The following FCHO2 variants were observed in gnomAD, a reference collection of about 807,000 sequenced individuals.
FCHO2 encodes FCH and mu domain containing endocytic adaptor 2.
A neutral mutation model predicts 114.1 loss-of-function variants in FCHO2; 43 were observed. That is an observed-to-expected ratio of 0.38 (90% CI 0.30 to 0.49). FCHO2 has a LOEUF of 0.49. Ranked by LOEUF, FCHO2 falls within the 20% of genes least tolerant of loss-of-function variation. The pLI is 0.97. For synonymous variants in FCHO2, 293 were observed against 315.2 expected (o/e 0.93, Z 0.75); for missense variants, 807 against 950.4 (o/e 0.85, Z 1.98).
At chr5:73,073,834 A>C (rs1408480509) in intron 19 of FCHO2, among the ~76,000 whole-genome samples, 2 of 152,160 alleles carry the variant, frequency 1.3e-5, no homozygotes, top group African/African-American at 4.8e-5. Flanking sequence ...TTCAGAGATA[A>C]GTGTTGACCT....
intron 1 of FCHO2, among the ~76,000 whole-genome samples, chr5:72,956,956 T>C (rs1751580756): frequency 6.6e-6 from 1 of 152,150 alleles, no homozygotes; most frequent in Non-Finnish European, 1.5e-5. Flanking sequence ...ACGTGTTTAC[T>C]CAGGTATCTT....
chr5:73,075,392 C>G (rs533604993), intron 20 of FCHO2, among the ~76,000 whole-genome samples: 11 of 151,884 alleles, frequency 7.2e-5, no homozygotes, highest in Non-Finnish European at 1.6e-4. Flanking sequence ...TGTAAGATAC[C>G]AAGGTAAAAG....
intron 8 of FCHO2, among the ~76,000 whole-genome samples, chr5:73,020,482 G>C (rs1755559228): frequency 6.6e-6 from 1 of 152,176 alleles, no homozygotes; most frequent in Non-Finnish European, 1.5e-5. Flanking sequence ...ACTGGATACT[G>C]AACAGAAATA....
intron 11 of FCHO2, 72 bp from the exon 12 acceptor site, chr5:73,051,277 G>T: frequency 1.9e-6 from 2 of 1,036,828 alleles, no homozygotes; most frequent in South Asian, 3.0e-5. Flanking sequence ...AATACCTGAG[G>T]CTACTTTGAT....
At chr5:73,048,194 A>AT (rs1332474391) in intron 11 of FCHO2, among the ~76,000 whole-genome samples, 12 of 152,188 alleles carry the variant, frequency 7.9e-5, no homozygotes, top group African/African-American at 2.9e-4. Context: ...TCATGCCTGT[A>AT]ATCCCAACAC....
chr5:73,003,236 A>G (rs1754538912), intron 5 of FCHO2, among the ~76,000 whole-genome samples: 1 of 151,648 alleles, frequency 6.6e-6, no homozygotes, highest in Admixed American at 6.6e-5. Flanking sequence ...CAGGTCTCGA[A>G]CTCCTGGGCT....
intron 11 of FCHO2, among the ~76,000 whole-genome samples, chr5:73,043,383 T>C (rs1210475850): frequency 3.3e-5 from 5 of 151,682 alleles, no homozygotes; most frequent in South Asian, 2.1e-4. Flanking sequence ...GTTACAGTTA[T>C]AGTAACAAAA....
chr5:72,999,453 G>C (rs1024653804), intron 5 of FCHO2, among the ~76,000 whole-genome samples: 2 of 144,836 alleles, frequency 1.4e-5, no homozygotes, highest in Non-Finnish European at 3.0e-5. Flanking sequence ...CACGATCTTG[G>C]CTCACTGCAA....
intron 16 of FCHO2, among the ~76,000 whole-genome samples, chr5:73,057,135 A>G (rs547584982): frequency 4.0e-5 from 6 of 150,332 alleles, no homozygotes; most frequent in East Asian, 2.0e-4. Context: ...GGGTCTTGCT[A>G]TATTTCCCAG....
intron 18 of FCHO2, among the ~76,000 whole-genome samples, chr5:73,067,238 A>C (rs1475901932): frequency 6.6e-6 from 1 of 152,092 alleles, no homozygotes; most frequent in East Asian, 1.9e-4. Flanking sequence ...TTAAAAAGGC[A>C]GTCACATTAT....
chr5:73,033,025 C>G (rs918318188), intron 8 of FCHO2, among the ~76,000 whole-genome samples: 2 of 152,096 alleles, frequency 1.3e-5, no homozygotes, highest in African/African-American at 4.8e-5. Flanking sequence ...ATTTTTCAGC[C>G]TGCCTTCATC....
In FCHO2 at chr5:73,037,706, A is replaced by G. The variant is rs4703591; in HGVS notation, c.914+491A>G. ...GCCCTAACATTTTACCATTTATACT[A>G]GGTCATCATTTTTAGATGGAATATT... On this transcript the variant is annotated intron_variant, in intron 10 of 25. Coordinates refer to ENST00000430046, the MANE Select transcript of FCHO2 (RefSeq NM_138782.3). 4,642 of 368,612 alleles carry G rather than the reference A, an allele frequency of 0.013. 309 individuals are homozygous for G. In the Admixed American group the frequency reaches 0.13, roughly 10 times the overall value. The allele number at this position is 368,612 out of a possible 1,614,324, so 22.8% of individuals were successfully genotyped here.
chr5:73,078,691 G>C (rs1742996070), intron 22 of FCHO2, among the ~76,000 whole-genome samples: 2 of 152,082 alleles, frequency 1.3e-5, no homozygotes, highest in African/African-American at 4.8e-5. Context: ...TCAGGTAAGA[G>C]AACAAAATAA....
chr5:73,025,197 G>A (rs1269230025), intron 8 of FCHO2, among the ~76,000 whole-genome samples: 1 of 151,818 alleles, frequency 6.6e-6, no homozygotes, highest in African/African-American at 2.4e-5. Flanking sequence ...TTTTTCATAT[G>A]TTTTTGTTTG....
chr5:73,011,200 C>T (rs973011942), intron 6 of FCHO2, among the ~76,000 whole-genome samples: 3 of 152,006 alleles, frequency 2.0e-5, no homozygotes, highest in Non-Finnish European at 2.9e-5. Flanking sequence ...AATGTGAAGG[C>T]CTAGGACATT....
At chr5:73,000,960 C>A (rs1754402769) in intron 5 of FCHO2, among the ~76,000 whole-genome samples, 1 of 151,612 alleles carries the variant, frequency 6.6e-6, no homozygotes, top group South Asian at 2.1e-4. Context: ...TATGATGAGG[C>A]CATTCAGTTT....
chr5:73,047,200 C>T (rs1757100488), intron 11 of FCHO2, among the ~76,000 whole-genome samples: 1 of 152,110 alleles, frequency 6.6e-6, no homozygotes, highest in Non-Finnish European at 1.5e-5. Context: ...TTTTTCTGAT[C>T]CATTTGAGCA....
chr5:73,030,142 A>G (rs1435960707), intron 8 of FCHO2, among the ~76,000 whole-genome samples: 2 of 151,470 alleles, frequency 1.3e-5, no homozygotes, highest in Non-Finnish European at 2.9e-5. Flanking sequence ...CCTGGGTTCA[A>G]GTGATTGTCC....
chr5:73,059,164 G>A (rs980667837), intron 17 of FCHO2, among the ~76,000 whole-genome samples: 1 of 152,128 alleles, frequency 6.6e-6, no homozygotes, highest in African/African-American at 2.4e-5. Flanking sequence ...TTCAAAACAA[G>A]AAAATAAAAT....
Sources: allele counts gnomAD v4.1 joint callset (sites outside exome capture counted in the v4.1 genomes callset), GRCh38; gene constraint gnomAD v4.1.1; transcripts MANE v1.5; gene names NCBI Gene and HGNC (gene_info 2026-07-23, HGNC 2026-07-21).